Variants in PTPRD observed in about 807,000 individuals in gnomAD.
PTPRD encodes the protein receptor-type tyrosine-protein phosphatase delta.
PTPRD carries 34 observed loss-of-function variants against 214.5 expected under a neutral mutation model. That is an observed-to-expected ratio of 0.16 (90% confidence interval 0.12 to 0.21). PTPRD has a LOEUF of 0.21. Among genes scored for constraint, PTPRD ranks in the 10% least tolerant of loss-of-function variants. PTPRD has a pLI of 1.00. For synonymous variants in PTPRD, 1,128 were observed against 845.7 expected (o/e 1.33, Z -5.79); for missense variants, 2,545 against 2,398.7 (o/e 1.06, Z -1.27).
chr9:8,398,114 C>T (rs1328623414), intron 36 of PTPRD, among the ~76,000 whole-genome samples: 1 of 152,112 alleles, frequency 6.6e-6, no homozygotes, highest in Non-Finnish European at 1.5e-5. Flanking sequence ...TTTGTCTGCA[C>T]TTAAAAGGGC....
intron 2 of PTPRD, among the ~76,000 whole-genome samples, chr9:10,406,449 A>C (rs1587457553): frequency 1.3e-5 from 2 of 151,752 alleles, no homozygotes; most frequent in African/African-American, 4.8e-5. Flanking sequence ...TAAAGAAAAA[A>C]GTGAACTGTG....
intron 5 of PTPRD, among the ~76,000 whole-genome samples, chr9:9,769,843 A>C (rs1036308571): frequency 6.6e-6 from 1 of 152,056 alleles, no homozygotes; most frequent in East Asian, 1.9e-4. Flanking sequence ...CCCACTTACA[A>C]GTGAGAACAT....
At chr9:8,342,522 T>C (rs1185743818) in intron 39 of PTPRD, among the ~76,000 whole-genome samples, 1 of 152,110 alleles carries the variant, frequency 6.6e-6, no homozygotes, top group Non-Finnish European at 1.5e-5. Flanking sequence ...CAAAATACTT[T>C]CTCTTCCTGA....
chr9:9,755,960 G>A (rs933730425), intron 6 of PTPRD, among the ~76,000 whole-genome samples: 20 of 151,706 alleles, frequency 1.3e-4, no homozygotes, highest in South Asian at 4.2e-4. Flanking sequence ...CATGAATACC[G>A]TTCTTATCAA....
chr9:8,843,331 C>T (rs960559123), intron 11 of PTPRD, among the ~76,000 whole-genome samples: 1 of 152,180 alleles, frequency 6.6e-6, no homozygotes, highest in African/African-American at 2.4e-5. Context: ...ATTTTTGAAA[C>T]ACAGTATCTT....
At chr9:10,151,053 T>C (rs1244653478) in intron 3 of PTPRD, among the ~76,000 whole-genome samples, 2 of 135,054 alleles carry the variant, frequency 1.5e-5, no homozygotes, top group Admixed American at 1.7e-4. Context: ...TAGACTTTTT[T>C]GTTAACTTTT....
At chr9:9,742,164 G>C (rs1449993887) in intron 6 of PTPRD, among the ~76,000 whole-genome samples, 1 of 152,148 alleles carries the variant, frequency 6.6e-6, no homozygotes, top group Admixed American at 6.6e-5. Flanking sequence ...GTGATGATGA[G>C]CTTTTTCCAT....
intron 2 of PTPRD, among the ~76,000 whole-genome samples, chr9:10,376,330 A>G (rs58806581): frequency 0.084 from 12,818 of 151,838 alleles, 612 homozygotes; most frequent in South Asian, 0.21. Flanking sequence ...TCAATAAAGA[A>G]ACAGTTATGT....
chr9:9,575,167 G>A (rs2088046595), intron 7 of PTPRD, among the ~76,000 whole-genome samples: 1 of 152,070 alleles, frequency 6.6e-6, no homozygotes, highest in African/African-American at 2.4e-5. Flanking sequence ...GTGCAAACAT[G>A]TACACACACA....
In PTPRD at chr9:8,521,249, T is replaced by C. The variant is rs539417334; in HGVS notation, c.961+28A>G. ...GTCACTTGGCTTGAGTGTACCCAGA[T>C]CCTCAAAGCATAATCCATTGAGCAT... On this transcript the variant is annotated intron_variant, in intron 20 of 45. Coordinates refer to ENST00000381196, the MANE Select transcript of PTPRD (RefSeq NM_002839.4). The C allele has an allele frequency of 6.9e-6, 11 of 1,589,864 alleles. 1 individual carries two copies. The highest frequency in any genetic ancestry group is 5.8e-5 in the South Asian group (5 of 86,880).
intron 3 of PTPRD, among the ~76,000 whole-genome samples, chr9:10,146,117 T>C (rs1021693087): frequency 1.3e-5 from 2 of 150,594 alleles, no homozygotes; most frequent in African/African-American, 4.9e-5. Flanking sequence ...TAGTTTCCTC[T>C]CAGCCCAAAG....
At chr9:8,585,109 A>G (rs1377872452) in intron 14 of PTPRD, among the ~76,000 whole-genome samples, 1 of 152,182 alleles carries the variant, frequency 6.6e-6, no homozygotes, top group Non-Finnish European at 1.5e-5. Context: ...AGTACTTTAA[A>G]GTACTTTAAG....
intron 10 of PTPRD, among the ~76,000 whole-genome samples, chr9:9,036,268 T>C (rs748870115): frequency 9.6e-4 from 144 of 149,996 alleles, no homozygotes; most frequent in Non-Finnish European, 1.8e-3. Flanking sequence ...GAACATTTCC[T>C]AAACAAAAGA....
intron 7 of PTPRD, among the ~76,000 whole-genome samples, chr9:9,609,019 C>T (rs911160127): frequency 2.0e-5 from 3 of 152,070 alleles, no homozygotes; most frequent in Non-Finnish European, 2.9e-5. Flanking sequence ...TTCTCAAATT[C>T]AAAATGTATT....
At chr9:9,246,490 C>G (rs763539857) in intron 9 of PTPRD, among the ~76,000 whole-genome samples, 1 of 152,074 alleles carries the variant, frequency 6.6e-6, no homozygotes. Context: ...TTTGCTCCTT[C>G]CTGCCTCCAC....
intron 3 of PTPRD, among the ~76,000 whole-genome samples, chr9:10,034,606 T>C (rs1192892830): frequency 1.3e-5 from 2 of 152,040 alleles, no homozygotes; most frequent in Non-Finnish European, 2.9e-5. Flanking sequence ...CCCCAGTGTA[T>C]GTTATTACCA....
At chr9:9,157,183 A>G (rs2099881947) in intron 10 of PTPRD, among the ~76,000 whole-genome samples, 1 of 152,216 alleles carries the variant, frequency 6.6e-6, no homozygotes, top group South Asian at 2.1e-4. Context: ...AAAAGACGAA[A>G]TATCTCAAAT....
chr9:10,079,748 C>T (rs1018464302), intron 3 of PTPRD, among the ~76,000 whole-genome samples: 39 of 152,070 alleles, frequency 2.6e-4, no homozygotes, highest in African/African-American at 8.7e-4. Context: ...CATTAAGGTT[C>T]GTTTTCCTCA....
intron 3 of PTPRD, among the ~76,000 whole-genome samples, chr9:10,036,730 C>A (rs562439100): frequency 1.3e-5 from 2 of 151,858 alleles, no homozygotes; most frequent in Admixed American, 6.6e-5. Flanking sequence ...ATTACAGGCA[C>A]GTGCCACCAC....
Sources: gnomAD v4.1 joint callset for allele counts (sites outside exome capture counted in the v4.1 genomes callset) on GRCh38, gnomAD v4.1.1 for gene constraint, MANE v1.5 for transcripts, NCBI Gene and HGNC (gene_info 2026-07-23, HGNC 2026-07-21) for gene names.